The following C2CD5 variants were observed in gnomAD, a reference collection of about 807,000 sequenced individuals.
C2CD5 encodes C2 domain-containing protein 5.
Under a neutral mutation model 130.3 loss-of-function variants are expected in C2CD5, and 109 were observed. The observed-to-expected ratio is 0.84, with a 90% CI of 0.72 to 0.98. C2CD5 has a LOEUF of 0.98. C2CD5 is among the 50% of genes least tolerant of loss of function. The pLI is 0.00. For synonymous variants in C2CD5, 454 were observed against 429.2 expected, an observed-to-expected ratio of 1.06 and a Z score of -0.71; for missense variants, 996 against 1,261.8, an observed-to-expected ratio of 0.79 and a Z score of 3.19.
chr12:22,484,675 A>C, intron 13 of C2CD5, 22 bp downstream of exon 13: 1 of 1,409,926 alleles, frequency 7.1e-7, no homozygotes, highest in Non-Finnish European at 9.6e-7. Context: ...AGGGACACCG[A>C]GTGTTGTTTT....
At chr12:22,524,383 T>C (rs1257036155) in intron 6 of C2CD5, 89 bp downstream of exon 6, 4 of 1,046,914 alleles carry the variant, frequency 3.8e-6, no homozygotes, top group Non-Finnish European at 4.3e-6. Flanking sequence ...ATAGCCTTCA[T>C]TGTAAAGTTG....
At chr12:22,491,683 C>T (rs888931910) in intron 11 of C2CD5, among the ~76,000 whole-genome samples, 1 of 151,968 alleles carries the variant, frequency 6.6e-6, no homozygotes, top group African/African-American at 2.4e-5. Context: ...ATCAGCCTGA[C>T]CAACATGGCG....
chr12:22,507,562 C>CA (rs1948706044), intron 9 of C2CD5, among the ~76,000 whole-genome samples: 1 of 151,992 alleles, frequency 6.6e-6, no homozygotes, highest in African/African-American at 2.4e-5. Context: ...AAGAGAAACA[C>CA]AAAAAAGACA....
In C2CD5 at chr12:22,531,290, A is replaced by G. The variant is rs544431119; in HGVS notation, c.178-3398T>C. On this transcript the variant is annotated intron_variant, in intron 3 of 26. Transcript: ENST00000446597. ...AAAAGAAAAATTTGTACATATACAC[A>G]AAAGAAAATGAGAAGAGAATCAAAA... Among the ~76,000 whole-genome samples the G allele has an allele frequency of 2.0e-5, 3 of 152,356 alleles. No individual in the cohort carries two copies. In the East Asian group the frequency reaches 5.8e-4, roughly 29 times the overall value.
At chr12:22,461,186 T>A (rs990624123) in intron 22 of C2CD5, among the ~76,000 whole-genome samples, 1 of 152,188 alleles carries the variant, frequency 6.6e-6, no homozygotes, top group Admixed American at 6.5e-5. Flanking sequence ...ATGGAGAGAC[T>A]GGGACACCAA....
At chr12:22,525,462 G>GT (rs1249068099) in intron 5 of C2CD5, 148 bp downstream of exon 5, 12 of 656,498 alleles carry the variant, frequency 1.8e-5, no homozygotes, top group Admixed American at 5.4e-5. Flanking sequence ...CAGAACTACT[G>GT]TAACTATTCT....
intron 12 of C2CD5, among the ~76,000 whole-genome samples, chr12:22,487,682 C>T (rs564718711): frequency 1.3e-5 from 2 of 152,060 alleles, no homozygotes; most frequent in African/African-American, 2.4e-5. Flanking sequence ...TACCATTTGA[C>T]CCAGCCATCC....
intron 6 of C2CD5, among the ~76,000 whole-genome samples, chr12:22,524,115 GTA>G (rs942489545): frequency 1.3e-5 from 2 of 152,116 alleles, no homozygotes; most frequent in African/African-American, 4.8e-5. Flanking sequence ...TGAACAGAAA[GTA>G]TGAGAGACAG....
intron 9 of C2CD5, among the ~76,000 whole-genome samples, chr12:22,509,707 C>T (rs936685306): frequency 4.6e-5 from 7 of 152,222 alleles, no homozygotes; most frequent in Admixed American, 2.0e-4. Flanking sequence ...GTGCCAGGCC[C>T]TGTAGCTTGT....
Position 22,534,388 on chromosome 12 carries a change from A to C in C2CD5, c.177+870T>G, listed in dbSNP as rs535570487. 2.6e-5 allele frequency among the ~76,000 whole-genome samples: 4 copies of C among 152,340 alleles called. 1 individual carries two copies. The East Asian group carries it at 7.7e-4, about 29-fold the overall frequency. On this transcript the variant is annotated intron_variant, in intron 3 of 26. Transcript: ENST00000446597. ...AAAATAAATATATTGGACTTCATCA[A>C]AATTTAAAACTTTTGCGCATCAAAG...
rs966016384 is a variant in C2CD5, at chr12:22,527,225, C to T, written c.349+496G>A. Reference sequence around the variant, plus strand: ...ACTATACAAATTTAGCAAGCATTATCTCAAATTATGTTGAGAGAAGCAACA... The same window carrying T: ...ACTATACAAATTTAGCAAGCATTATTTCAAATTATGTTGAGAGAAGCAACA... On this transcript the variant is annotated intron_variant, in intron 4 of 26. Coordinates refer to ENST00000446597, the MANE Select transcript of C2CD5 (RefSeq NM_001286176.2). 2.6e-5 allele frequency among the ~76,000 whole-genome samples: 4 copies of T among 151,274 alleles called. No homozygotes were observed. In the East Asian group the frequency reaches 5.8e-4, roughly 22 times the overall value.
intron 3 of C2CD5, among the ~76,000 whole-genome samples, chr12:22,532,552 C>T (rs1234850914): frequency 6.6e-6 from 1 of 152,122 alleles, no homozygotes; most frequent in Non-Finnish European, 1.5e-5. Flanking sequence ...GACCTTTAAG[C>T]TTTTCCAATA....
At chr12:22,534,151 G>A (rs1951596693) in intron 3 of C2CD5, among the ~76,000 whole-genome samples, 1 of 152,156 alleles carries the variant, frequency 6.6e-6, no homozygotes, top group African/African-American at 2.4e-5. Context: ...TCGCACCATT[G>A]CACTCCAGCC....
rs1215054238 is a variant in C2CD5 at position 22,506,835 on chromosome 12, A to C, written c.1039-16T>G. ...ATGGAAATTCCTAGTGGAAAGAATAAGGGAAAAATACAACTTATCGTGTGT... is the reference window on the plus strand; with the variant it reads ...ATGGAAATTCCTAGTGGAAAGAATACGGGAAAAATACAACTTATCGTGTGT... On this transcript the variant is annotated splice_polypyrimidine_tract_variant and intron_variant, in intron 9 of 26. Transcript: ENST00000446597. The C allele has an allele frequency of 1.5e-5, 21 of 1,432,666 alleles. No homozygotes were observed. The highest frequency in any genetic ancestry group is 2.1e-5 in the Non-Finnish European group (21 of 1,014,918). The allele number at this position is 1,432,666 out of a possible 1,614,324, so 88.7% of individuals were successfully genotyped here.
intron 1 of C2CD5, 33 bp downstream of exon 1, chr12:22,544,287 C>G: frequency 2.9e-5 from 19 of 660,106 alleles, no homozygotes; most frequent in Non-Finnish European, 4.1e-5. Flanking sequence ...CGCGCGCGGG[C>G]GCCCGGCAGT....
chr12:22,502,031 A>G (rs1395800456), intron 10 of C2CD5, among the ~76,000 whole-genome samples: 4 of 151,946 alleles, frequency 2.6e-5, no homozygotes, highest in East Asian at 1.9e-4. Context: ...AGAAATGTAC[A>G]TTATGTTTTT....
chr12:22,484,815 C>CAATA lies in C2CD5; in HGVS notation c.1431_1432insTATT (p.Ala478TyrfsTer9). 1 of 1,609,178 alleles carries CAATA rather than the reference C, an allele frequency of 6.2e-7. No homozygotes were observed. Among genetic ancestry groups the CAATA allele is most frequent in the Non-Finnish European group, 8.5e-7 (1 of 1,177,320 alleles). On this transcript the variant is annotated frameshift_variant, in exon 13 of 27. Transcript: ENST00000446597. LOFTEE classifies it high-confidence loss of function. ...CAGTTATAGCAATATGTGAGATGAG[C>CAATA]TGGAAATGGCATATTCAGTTCATCA...
Position 22,544,486 on chromosome 12 carries a change from T to G in C2CD5, c.-196A>C. 5.0e-6 allele frequency: 1 copy of G among 199,768 alleles called. No individual in the cohort carries two copies. Among genetic ancestry groups the G allele is most frequent in the Non-Finnish European group, 1.0e-5 (1 of 99,158 alleles). The allele number at this position is 199,768 out of a possible 1,614,324, so 12.4% of individuals were successfully genotyped here. A position where few individuals can be genotyped will look rare whatever the true frequency, so the allele number is the denominator to read the frequency against. ...TGAGCCTCTGCCGCCCCTGCTTGTC[T>G]CTCCTCCCCCGCTCTCAAAAATGGC... On this transcript the variant is annotated 5_prime_UTR_variant, in exon 1 of 27. Transcript: ENST00000446597.
intron 15 of C2CD5, chr12:22,478,082 G>C: frequency 2.1e-6 from 1 of 477,552 alleles, no homozygotes; most frequent in Non-Finnish European, 3.8e-6. Context: ...ATAAAAGAGG[G>C]AAAAGTCATA....
Sources: gnomAD v4.1 joint callset for allele counts (sites outside exome capture counted in the v4.1 genomes callset) on GRCh38, gnomAD v4.1.1 for gene constraint, MANE v1.5 for transcripts, NCBI Gene and HGNC (gene_info 2026-07-23, HGNC 2026-07-21) for gene names.